Variants in CNTNAP2 observed in about 807,000 individuals in gnomAD.
The protein encoded by CNTNAP2 is contactin associated protein 2.
CNTNAP2 carries 98 observed loss-of-function variants against 155.2 expected under a neutral mutation model. The observed-to-expected ratio is 0.63, with a 90% CI of 0.54 to 0.75. CNTNAP2 has a LOEUF of 0.75. Among genes scored for constraint, CNTNAP2 ranks in the 30% least tolerant of loss-of-function variants. The probability of loss-of-function intolerance (pLI) is 0.00; values close to 1 mark genes in which losing one functional copy is unlikely to be tolerated. For synonymous variants in CNTNAP2, 651 were observed against 631.2 expected (o/e 1.03, Z -0.47); for missense variants, 1,727 against 1,688.1 (o/e 1.02, Z -0.40).
intron 21 of CNTNAP2, among the ~76,000 whole-genome samples, chr7:148,381,878 C>G (rs924959172): frequency 6.9e-6 from 1 of 144,546 alleles, no homozygotes; most frequent in Non-Finnish European, 1.5e-5. Context: ...TGGCCCCCCC[C>G]CAGGGGAATT....
intron 10 of CNTNAP2, among the ~76,000 whole-genome samples, chr7:147,469,256 G>C (rs542196956): frequency 6.6e-6 from 1 of 152,098 alleles, no homozygotes; most frequent in Non-Finnish European, 1.5e-5. Flanking sequence ...TTCCGTGTCC[G>C]TTCTGTAATT....
chr7:147,199,174 C>A (rs1178782929), intron 8 of CNTNAP2, among the ~76,000 whole-genome samples: 1 of 151,962 alleles, frequency 6.6e-6, no homozygotes, highest in East Asian at 1.9e-4. Context: ...ATTGCCCAGG[C>A]TGGTCTTGAA....
At chr7:146,663,286 A>G (rs76088277) in intron 1 of CNTNAP2, among the ~76,000 whole-genome samples, 23,773 of 140,094 alleles carry the variant, frequency 0.17, 2,874 homozygotes, top group East Asian at 0.45. Context: ...TCAAAAAAAA[A>G]AAAAAAAAAA....
chr7:147,238,020 G>A (rs1165993682), intron 8 of CNTNAP2, among the ~76,000 whole-genome samples: 2 of 152,138 alleles, frequency 1.3e-5, no homozygotes, highest in East Asian at 3.9e-4. Flanking sequence ...TTTGTTTTGT[G>A]TTTTATTTTT....
intron 13 of CNTNAP2, among the ~76,000 whole-genome samples, chr7:147,874,627 GAT>G (rs1455450376): frequency 6.6e-6 from 1 of 152,240 alleles, no homozygotes; most frequent in Non-Finnish European, 1.5e-5. Flanking sequence ...GAAGGTTTCT[GAT>G]ATGTCCTGGA....
chr7:147,802,070 C>A (rs1054976217), intron 13 of CNTNAP2, among the ~76,000 whole-genome samples: 1 of 140,784 alleles, frequency 7.1e-6, no homozygotes, highest in African/African-American at 2.5e-5. Flanking sequence ...GGGGCAGTTG[C>A]CGGGCGGAGG....
chr7:146,252,561 G>A (rs557677599), intron 1 of CNTNAP2, among the ~76,000 whole-genome samples: 2 of 152,248 alleles, frequency 1.3e-5, no homozygotes, highest in South Asian at 4.1e-4. Flanking sequence ...GAGAGGATGG[G>A]ATCTGAAAAC....
chr7:147,403,827 A>C (rs1796958900), intron 10 of CNTNAP2, among the ~76,000 whole-genome samples: 1 of 152,136 alleles, frequency 6.6e-6, no homozygotes, highest in Admixed American at 6.5e-5. Flanking sequence ...AGTAAGAAAA[A>C]AAAAATTTTA....
chr7:147,186,530 A>G (rs1163646237), intron 8 of CNTNAP2, among the ~76,000 whole-genome samples: 1 of 152,056 alleles, frequency 6.6e-6, no homozygotes, highest in East Asian at 1.9e-4. Flanking sequence ...TAACCATTAC[A>G]CTGTCTTTCT....
intron 1 of CNTNAP2, among the ~76,000 whole-genome samples, chr7:146,483,282 A>AATATATATATAT (rs200796835): frequency 2.5e-4 from 10 of 39,876 alleles, no homozygotes; most frequent in Non-Finnish European, 3.0e-4. Flanking sequence ...TCTAAAAAAA[A>AATATATATATAT]ATATATATAT....
intron 1 of CNTNAP2, among the ~76,000 whole-genome samples, chr7:146,119,870 G>A (rs1797537770): frequency 6.6e-6 from 1 of 151,570 alleles, no homozygotes; most frequent in Admixed American, 6.6e-5. Context: ...ACACACACAT[G>A]AATATATATG....
chr7:146,353,509 T>G (rs1177719300), intron 1 of CNTNAP2, among the ~76,000 whole-genome samples: 1 of 152,174 alleles, frequency 6.6e-6, no homozygotes, highest in Admixed American at 6.5e-5. Context: ...CAGTGAGTAT[T>G]CCCAAATTTA....
At chr7:147,955,865 T>C (rs561831388) in intron 14 of CNTNAP2, among the ~76,000 whole-genome samples, 10 of 152,314 alleles carry the variant, frequency 6.6e-5, no homozygotes, top group African/African-American at 2.4e-4. Flanking sequence ...ACACTAAGTC[T>C]CCAAAGAATG....
At chr7:146,974,066 G>T (rs866257992) in intron 3 of CNTNAP2, among the ~76,000 whole-genome samples, 2 of 152,202 alleles carry the variant, frequency 1.3e-5, no homozygotes, top group Non-Finnish European at 1.5e-5. Flanking sequence ...GGATGCTGGG[G>T]TGTGTGGACT....
chr7:148,294,685 A>G (rs12530935), intron 21 of CNTNAP2, among the ~76,000 whole-genome samples: 19,230 of 152,206 alleles, frequency 0.13, 1,526 homozygotes, highest in African/African-American at 0.22. Flanking sequence ...ACTGTATTTC[A>G]TTAAAGCAGC....
chr7:147,985,770 T>G (rs1801609306), intron 15 of CNTNAP2, among the ~76,000 whole-genome samples: 2 of 152,138 alleles, frequency 1.3e-5, no homozygotes, highest in Non-Finnish European at 2.9e-5. Flanking sequence ...CAACAAATGT[T>G]TGTTGAATGA....
At chr7:146,225,544 T>G (rs936755184) in intron 1 of CNTNAP2, among the ~76,000 whole-genome samples, 4 of 152,078 alleles carry the variant, frequency 2.6e-5, no homozygotes, top group Non-Finnish European at 5.9e-5. Flanking sequence ...GCAGAAACTG[T>G]GTATCTAAGC....
chr7:146,277,133 GCCA>G (rs963948857), intron 1 of CNTNAP2, among the ~76,000 whole-genome samples: 56 of 152,140 alleles, frequency 3.7e-4, no homozygotes, highest in African/African-American at 1.3e-3. Context: ...CACATATGTA[GCCA>G]CAAACCAACG....
intron 1 of CNTNAP2, among the ~76,000 whole-genome samples, chr7:146,642,105 A>C (rs1030315474): frequency 2.0e-5 from 3 of 151,838 alleles, no homozygotes; most frequent in Non-Finnish European, 2.9e-5. Flanking sequence ...TTAAAAGACA[A>C]ATTTTGTTTT....
Sources: gnomAD v4.1 joint callset for allele counts (sites outside exome capture counted in the v4.1 genomes callset) on GRCh38, gnomAD v4.1.1 for gene constraint, MANE v1.5 for transcripts, NCBI Gene and HGNC (gene_info 2026-07-23, HGNC 2026-07-21) for gene names.